FEZ1: variants seen among roughly 807,000 people sequenced by gnomAD.
The protein encoded by FEZ1 is fasciculation and elongation protein zeta-1.
In FEZ1, 20 loss-of-function variants were observed where a neutral mutation model predicts 49.3. The observed-to-expected ratio is 0.41, with a 90% CI of 0.29 to 0.59. The LOEUF is 0.59. Ranked by LOEUF, FEZ1 falls within the 20% of genes least tolerant of loss-of-function variation. The pLI is 0.36. For missense variants in FEZ1, 413 were observed against 476.0 expected (o/e 0.87, Z 1.23); for synonymous variants, 170 against 180.9 (o/e 0.94, Z 0.48).
Position 125,448,200 on chromosome 11 carries a change from T to C in FEZ1, c.1162+302A>G, listed in dbSNP as rs368477384. On this transcript the variant is annotated intron_variant, in intron 9 of 9. Transcript: ENST00000278919. ...TGAAAAGTATTAAATTATCATCAGG[T>C]TTTGTTTTTCCCAACTAAATACTAA... Among the ~76,000 whole-genome samples, 62 of 152,290 alleles carry C rather than the reference T, an allele frequency of 4.1e-4. No individual in the cohort carries two copies. In the South Asian group the frequency reaches 7.5e-3, roughly 18 times the overall value.
intron 3 of FEZ1, among the ~76,000 whole-genome samples, chr11:125,472,465 A>G (rs1957192355): frequency 6.6e-6 from 1 of 152,084 alleles, no homozygotes; most frequent in East Asian, 1.9e-4. Flanking sequence ...CAATAACAAA[A>G]CAAAATTATA....
At chr11:125,464,717 T>G (rs1357595550) in intron 3 of FEZ1, among the ~76,000 whole-genome samples, 1 of 97,352 alleles carries the variant, frequency 1.0e-5, no homozygotes, top group Non-Finnish European at 2.1e-5. Flanking sequence ...CAGGACTATG[T>G]CATTAAAAAA....
In FEZ1 at chr11:125,467,673, C is replaced by CA. The variant is rs995901182; in HGVS notation, c.412-4104dup. On this transcript the variant is annotated intron_variant, in intron 3 of 9. Coordinates refer to ENST00000278919, the MANE Select transcript of FEZ1 (RefSeq NM_005103.5). ...GCAACATAGTGAAACTCTGTCTCTA[C>CA]AAAAAAAATGAACAAAATTAGCCAG... Among the ~76,000 whole-genome samples the CA allele has an allele frequency of 4.0e-5, 6 of 151,880 alleles. No homozygotes were observed. The East Asian group carries it at 5.8e-4, about 15-fold the overall frequency.
chr11:125,459,341 C>T (rs1957050506), intron 5 of FEZ1, among the ~76,000 whole-genome samples: 1 of 152,096 alleles, frequency 6.6e-6, no homozygotes. Context: ...CCTGTAATCC[C>T]AGCACTTTGG....
At chr11:125,486,496 A>G (rs890366008) in intron 2 of FEZ1, among the ~76,000 whole-genome samples, 3 of 152,226 alleles carry the variant, frequency 2.0e-5, no homozygotes, top group African/African-American at 7.2e-5. Flanking sequence ...CCATGCCCTG[A>G]CAGATCAGAG....
intron 3 of FEZ1, among the ~76,000 whole-genome samples, chr11:125,470,461 G>A (rs1217186805): frequency 6.6e-6 from 1 of 152,108 alleles, no homozygotes; most frequent in Non-Finnish European, 1.5e-5. Flanking sequence ...TCCAATACTT[G>A]AATAAAAGGA....
At chr11:125,446,528 A>G (rs1956900756) in intron 9 of FEZ1, among the ~76,000 whole-genome samples, 1 of 152,182 alleles carries the variant, frequency 6.6e-6, no homozygotes, top group South Asian at 2.1e-4. Flanking sequence ...CAGCCCTCCG[A>G]CTACCAAATT....
chr11:125,489,735 G>A lies in FEZ1; in HGVS notation c.43C>T (p.Leu15Phe), dbSNP rs148957397. The change falls in exon 2 of 10, where the codon CTT becomes TTT. Residue 15 changes from leucine to phenylalanine, a missense_variant. Transcript: ENST00000278919. The surrounding 1 kb of genome is among the most constrained non-coding windows in gnomAD (Gnocchi z 4.2). Reference protein sequence around the residue: ...LVSLDEEFEDLRPSCSEDPEE... With the variant: ...LVSLDEEFEDFRPSCSEDPEE... ...GGGTCCTCCGAGCAGGAGGGTCGAA[G>A]GTCCTCAAACTCTTCATCCAGACTC... The A allele has an allele frequency of 6.5e-5, 103 of 1,589,832 alleles. No individual in the cohort carries two copies. In the African/African-American group the frequency reaches 1.3e-3, roughly 20 times the overall value.
chr11:125,460,032 G>A (rs780408023), intron 5 of FEZ1, among the ~76,000 whole-genome samples: 6 of 152,066 alleles, frequency 3.9e-5, no homozygotes, highest in Admixed American at 1.3e-4. Flanking sequence ...GGAGGTGGAG[G>A]TTGCAGTGAG....
In FEZ1 at chr11:125,446,037, T is replaced by G; in HGVS notation, c.*58A>C. On this transcript the variant is annotated 3_prime_UTR_variant, in exon 10 of 10. Transcript: ENST00000278919. ...GTTACATGGTCTCATGCAGTCCCTG[T>G]GATGGAATGACTCTTGCTCAGTGAC... 6.5e-7 allele frequency: 1 copy of G among 1,545,956 alleles called. No homozygotes were observed. The highest frequency in any genetic ancestry group is 1.1e-5 in the South Asian group (1 of 89,598).
At chr11:125,484,706 T>G (rs1489943193) in intron 2 of FEZ1, among the ~76,000 whole-genome samples, 1 of 150,446 alleles carries the variant, frequency 6.6e-6, no homozygotes, top group Non-Finnish European at 1.5e-5. Context: ...AAAAAGAAAC[T>G]GGCTCTGCGT....
At position 125,454,136 on chromosome 11, in the gene FEZ1, G is replaced by A; in HGVS notation, c.1014C>T (p.Asp338=). The A allele has an allele frequency of 1.2e-6, 2 of 1,612,540 alleles. No individual in the cohort carries two copies. The highest frequency in any genetic ancestry group is 1.7e-4 in the Middle Eastern group (1 of 6,052). ...GCAGGGAGACTACGCGTACCTGTTT[G>A]TCAGTTCCTGAGGAGCCAAAGGTCT... ...IRQTFGSSGT[D]KQYLNTVIPY... Residue 338 remains aspartate (D), a synonymous_variant, in exon 7 of 10, where the codon GAC becomes GAT. Coordinates refer to ENST00000278919, the MANE Select transcript of FEZ1 (RefSeq NM_005103.5).
intron 2 of FEZ1, among the ~76,000 whole-genome samples, chr11:125,487,007 G>A (rs892424449): frequency 7.9e-5 from 12 of 152,122 alleles, no homozygotes; most frequent in East Asian, 1.9e-4. Context: ...ACCTTATCTC[G>A]AAGGAATTAT....
intron 5 of FEZ1, among the ~76,000 whole-genome samples, chr11:125,458,723 T>A (rs964131697): frequency 6.6e-6 from 1 of 152,238 alleles, no homozygotes; most frequent in African/African-American, 2.4e-5. Context: ...CCTCTTGTCA[T>A]TCTTATAATT....
At chr11:125,449,153 C>T (rs553582083) in intron 8 of FEZ1, among the ~76,000 whole-genome samples, 34 of 151,814 alleles carry the variant, frequency 2.2e-4, no homozygotes, top group Non-Finnish European at 4.6e-4. Flanking sequence ...TAATCCTCCC[C>T]CTCTCAGCCT....
In FEZ1 at chr11:125,446,073, G is replaced by C; in HGVS notation, c.*22C>G. 6.2e-7 allele frequency: 1 copy of C among 1,612,768 alleles called. No homozygotes were observed. Among genetic ancestry groups the C allele is most frequent in the Non-Finnish European group, 8.5e-7 (1 of 1,178,788 alleles). The stretch of plus-strand genomic sequence containing the variant: ...CTCTTGCTCAGTGACCTCCTGCAGC[G>C]AGGCTGCTCCAAAGGGCAAGGTTAG... On this transcript the variant is annotated 3_prime_UTR_variant, in exon 10 of 10. Coordinates refer to ENST00000278919, the MANE Select transcript of FEZ1 (RefSeq NM_005103.5).
intron 7 of FEZ1, chr11:125,453,646 T>C (rs11220081): frequency 0.14 from 21,240 of 152,516 alleles, 1,605 homozygotes; most frequent in East Asian, 0.28. Context: ...GTGAATGCTG[T>C]CTTAATAACC....
intron 6 of FEZ1, 93 bp downstream of exon 6, chr11:125,455,742 C>T (rs113170898): frequency 3.9e-5 from 52 of 1,323,952 alleles, no homozygotes; most frequent in African/African-American, 2.6e-4. Flanking sequence ...GCTCGGTAAA[C>T]GTTGATGAGT....
In FEZ1 at chr11:125,489,881, T is replaced by C; in HGVS notation, c.-45-59A>G. On this transcript the variant is annotated intron_variant, in intron 1 of 9. Transcript: ENST00000278919. The surrounding 1 kb of genome is among the most constrained non-coding windows in gnomAD (Gnocchi z 4.2). Reference sequence around the variant, plus strand: ...ACCAGGCTAATCTAAATAATAGAGTTAACTTTAGAGACACACCTGCTTCCA... The same window carrying C: ...ACCAGGCTAATCTAAATAATAGAGTCAACTTTAGAGACACACCTGCTTCCA... 7.2e-7 allele frequency: 1 copy of C among 1,383,628 alleles called. No homozygotes were observed. 85.7% of individuals were successfully genotyped at this position (1,383,628 alleles called of 1,614,324 possible). A position where few individuals can be genotyped will look rare whatever the true frequency, so the allele number is the denominator to read the frequency against.
Sources: gnomAD v4.1 joint callset for allele counts (sites outside exome capture counted in the v4.1 genomes callset) on GRCh38, gnomAD v4.1.1 for gene constraint, Gnocchi (gnomAD v3.1) non-coding constraint, MANE v1.5 for transcripts, NCBI Gene and HGNC (gene_info 2026-07-23, HGNC 2026-07-21) for gene names.